Variants in CCDC175 observed in about 807,000 individuals in gnomAD.
The protein encoded by CCDC175 is coiled-coil domain-containing protein 175.
A neutral mutation model predicts 114.6 loss-of-function variants in CCDC175; 100 were observed. The observed-to-expected ratio is 0.87, with a 90% CI of 0.74 to 1.03. CCDC175 has a LOEUF of 1.03. Ranked by LOEUF, CCDC175 falls within the 50% of genes least tolerant of loss-of-function variation. The pLI, the probability that CCDC175 is intolerant of heterozygous loss-of-function variation, is 0.00. For missense variants in CCDC175, 880 were observed against 917.8 expected (o/e 0.96, Z 0.53); for synonymous variants, 306 against 308.7 (o/e 0.99, Z 0.09).
At chr14:59,546,293 C>G (rs977337297) in intron 8 of CCDC175, among the ~76,000 whole-genome samples, 4 of 151,948 alleles carry the variant, frequency 2.6e-5, no homozygotes, top group Admixed American at 2.0e-4. Flanking sequence ...AAGATGGGAA[C>G]AATAGACACT....
intron 16 of CCDC175, among the ~76,000 whole-genome samples, 179 bp from the exon 17 acceptor site, chr14:59,521,855 T>C (rs930949570): frequency 1.3e-5 from 2 of 152,228 alleles, no homozygotes; most frequent in Non-Finnish European, 2.9e-5. Flanking sequence ...GGAAAGGAGA[T>C]AAAGGATTCT....
At chr14:59,516,901 A>T (rs1893124102) in intron 17 of CCDC175, among the ~76,000 whole-genome samples, 1 of 152,198 alleles carries the variant, frequency 6.6e-6, no homozygotes, top group African/African-American at 2.4e-5. Flanking sequence ...CCTGATGAAC[A>T]TTGATGCAAA....
intron 1 of CCDC175, among the ~76,000 whole-genome samples, chr14:59,575,319 CTGAG>C (rs1897048729): frequency 6.6e-6 from 1 of 152,038 alleles, no homozygotes; most frequent in South Asian, 2.1e-4. Flanking sequence ...GAAATATGTT[CTGAG>C]TGTCTAGACA....
chr14:59,532,189 A>T (rs961718872), intron 13 of CCDC175, among the ~76,000 whole-genome samples: 1 of 152,220 alleles, frequency 6.6e-6, no homozygotes, highest in Non-Finnish European at 1.5e-5. Context: ...CTCTATGAAC[A>T]CTACCATGTA....
Position 59,565,239 on chromosome 14 carries a change from C to G in CCDC175, c.528G>C (p.Arg176Ser). The change falls in exon 5 of 20, where the codon AGG becomes AGC. Residue 176 changes from arginine to serine, a missense_variant. Coordinates refer to ENST00000537690, the MANE Select transcript of CCDC175 (RefSeq NM_001164399.2). ...KQEELARKHA[R>S]FVLSLNQTME... ...TAGTTTGGTTGAGTGACAGGACAAA[C>G]CTTGCATGCTTCCTTGCTAGCTCTT... 6.5e-7 allele frequency: 1 copy of G among 1,537,624 alleles called. No homozygotes were observed. The highest frequency in any genetic ancestry group is 2.0e-5 in the Admixed American group (1 of 50,978).
At chr14:59,542,893 T>A (rs956901) in intron 10 of CCDC175, among the ~76,000 whole-genome samples, 88,755 of 151,996 alleles carry the variant, frequency 0.58, 26,848 homozygotes, top group East Asian at 0.83. Context: ...AAGCATATAT[T>A]GTAAACTGTT....
chr14:59,534,908 A>G (rs74059545), intron 13 of CCDC175, among the ~76,000 whole-genome samples: 10,657 of 152,250 alleles, frequency 0.07, 517 homozygotes, highest in African/African-American at 0.13. Context: ...AGAGACCCAA[A>G]TGGTAGTGGG....
chr14:59,572,960 T>C, intron 2 of CCDC175, 147 bp from the exon 3 acceptor site: 1 of 548,246 alleles, frequency 1.8e-6, no homozygotes, highest in Non-Finnish European at 3.1e-6. Flanking sequence ...GAACAGAAAC[T>C]GGGAAAAGTA....
In CCDC175 at chr14:59,572,720, T is replaced by A. The variant is rs1240089931; in HGVS notation, c.337A>T (p.Ile113Phe). ...YYLLETLPNS[I>F]KRELEECVRD... is the part of the protein sequence containing the mutation. Reference sequence around the variant, plus strand: ...AAAGTACCTTCCAATTCCCTCTTAATGCTATTGGGAAGAGTTTCCAATAGA... The same window carrying A: ...AAAGTACCTTCCAATTCCCTCTTAAAGCTATTGGGAAGAGTTTCCAATAGA... The change falls in exon 3 of 20, where the codon ATT becomes TTT. Residue 113 changes from isoleucine to phenylalanine, a missense_variant. Physicochemically the swap from Ile to Phe is conservative, Grantham distance 21. Transcript: ENST00000537690. 4.0e-6 allele frequency: 6 copies of A among 1,499,902 alleles called. No individual in the cohort carries two copies. The highest frequency in any genetic ancestry group is 3.4e-4 in the Middle Eastern group (2 of 5,922). 92.9% of individuals were successfully genotyped at this position (1,499,902 alleles called of 1,614,324 possible). A position where few individuals can be genotyped will look rare whatever the true frequency, so the allele number is the denominator to read the frequency against.
intron 8 of CCDC175, among the ~76,000 whole-genome samples, chr14:59,548,918 T>C (rs1039300991): frequency 2.6e-5 from 4 of 152,106 alleles, no homozygotes; most frequent in Non-Finnish European, 5.9e-5. Flanking sequence ...TATTATGCTT[T>C]GTAAAAGAGG....
intron 12 of CCDC175, 75 bp downstream of exon 12, chr14:59,538,630 T>C: frequency 8.4e-7 from 1 of 1,190,206 alleles, no homozygotes; most frequent in Admixed American, 3.0e-5. Flanking sequence ...TAAGATAGGA[T>C]TTAATTAAAT....
Position 59,512,808 on chromosome 14 carries a change from GTGT to G in CCDC175, c.2099-1008_2099-1006del, listed in dbSNP as rs1214651953. 1.3e-3 allele frequency among the ~76,000 whole-genome samples: 6 copies of G among 4,478 alleles called. No individual in the cohort carries two copies. In the South Asian group the frequency reaches 0.047, roughly 35 times the overall value. 2.9% of individuals were successfully genotyped at this position (4,478 alleles called of 152,430 possible). On this transcript the variant is annotated intron_variant, in intron 17 of 19. Coordinates refer to ENST00000537690, the MANE Select transcript of CCDC175 (RefSeq NM_001164399.2). ...ACCCAATTAAGATCTCAGCAGGGGTGTGTGTGTGTGTGTGTGTGTGTGTGTGTG... is the reference window on the plus strand; with the variant it reads ...ACCCAATTAAGATCTCAGCAGGGGTGGTGTGTGTGTGTGTGTGTGTGTGTG...
intron 17 of CCDC175, among the ~76,000 whole-genome samples, chr14:59,521,177 C>A (rs1325551890): frequency 6.6e-6 from 1 of 152,118 alleles, no homozygotes; most frequent in African/African-American, 2.4e-5. Flanking sequence ...GGGTGGGAAC[C>A]GTCTAATCAG....
At chr14:59,568,059 T>C (rs910112444) in intron 4 of CCDC175, among the ~76,000 whole-genome samples, 186 bp downstream of exon 4, 1 of 152,112 alleles carries the variant, frequency 6.6e-6, no homozygotes, top group Non-Finnish European at 1.5e-5. Flanking sequence ...TTTTCTGCTC[T>C]CCTCCTCAGT....
intron 10 of CCDC175, among the ~76,000 whole-genome samples, chr14:59,540,989 G>A (rs1894751079): frequency 6.6e-6 from 1 of 152,174 alleles, no homozygotes; most frequent in African/African-American, 2.4e-5. Flanking sequence ...TTTCTGGGGA[G>A]GCAACTGATG....
rs1211383268 is a variant in CCDC175, at chr14:59,559,392, T to A, written c.953+1727A>T. Among the ~76,000 whole-genome samples, 3 of 152,172 alleles carry A rather than the reference T, an allele frequency of 2.0e-5. No homozygotes were observed. In the East Asian group the frequency reaches 5.8e-4, roughly 29 times the overall value. On this transcript the variant is annotated intron_variant, in intron 7 of 19. Coordinates refer to ENST00000537690, the MANE Select transcript of CCDC175 (RefSeq NM_001164399.2). ...CTATGGAGCATTTGAGTTACTCTTA[T>A]TTGTCCAAACGCACATGGAATTTAA...
rs576454219 is a variant in CCDC175 at position 59,554,097 on chromosome 14, G to T, written c.954-2661C>A. Among the ~76,000 whole-genome samples the T allele has an allele frequency of 3.2e-4, 48 of 152,284 alleles. 1 individual carries two copies. The highest frequency in any genetic ancestry group is 3.4e-3 in the Middle Eastern group (1 of 294). On this transcript the variant is annotated intron_variant, in intron 7 of 19. Coordinates refer to ENST00000537690, the MANE Select transcript of CCDC175 (RefSeq NM_001164399.2). The stretch of plus-strand genomic sequence containing the variant: ...CAAGGATATCCAGGAATTGAACTCA[G>T]CTCTGCACCAAGCCAACCTAATAGA...
chr14:59,549,945 T>C (rs987467227), intron 8 of CCDC175, among the ~76,000 whole-genome samples: 3 of 151,910 alleles, frequency 2.0e-5, no homozygotes, highest in Non-Finnish European at 4.4e-5. Flanking sequence ...GGACTCTTGC[T>C]CTGCCCCCAG....
At chr14:59,529,036 T>A (rs530354080) in intron 14 of CCDC175, among the ~76,000 whole-genome samples, 5 of 152,354 alleles carry the variant, frequency 3.3e-5, no homozygotes, top group African/African-American at 7.2e-5. Context: ...ATGCTTCAGA[T>A]CTTTGTCTGA....
Sources: allele counts gnomAD v4.1 joint callset (sites outside exome capture counted in the v4.1 genomes callset), GRCh38; gene constraint gnomAD v4.1.1; transcripts MANE v1.5; gene names NCBI Gene and HGNC (gene_info 2026-07-23, HGNC 2026-07-21).